Variants in CA10 observed in about 807,000 individuals in gnomAD.
CA10 encodes the protein carbonic anhydrase-related protein 10.
In CA10, 14 loss-of-function variants were observed where a neutral mutation model predicts 44.2. That is an observed-to-expected ratio of 0.32 (90% confidence interval 0.21 to 0.50). The LOEUF is 0.50. CA10 is among the 20% of genes least tolerant of loss of function. The pLI is 0.99. For synonymous variants in CA10, 159 were observed against 141.6 expected, an observed-to-expected ratio of 1.12 and a Z score of -0.87; for missense variants, 350 against 409.7, an observed-to-expected ratio of 0.85 and a Z score of 1.26.
chr17:51,858,027 T>C (rs1468955800), intron 3 of CA10, among the ~76,000 whole-genome samples: 2 of 152,146 alleles, frequency 1.3e-5, no homozygotes, highest in Non-Finnish European at 2.9e-5. Context: ...TTTCTTAATA[T>C]TTATAACTGT....
intron 2 of CA10, among the ~76,000 whole-genome samples, chr17:52,003,927 T>C (rs1985512683): frequency 8.6e-6 from 1 of 116,870 alleles, no homozygotes; most frequent in South Asian, 2.5e-4. Flanking sequence ...ATACTTATAG[T>C]AAAAACTAAA....
chr17:51,717,742 TATAC>T lies in CA10; in HGVS notation c.465+29887_465+29890del, dbSNP rs1224773690. On this transcript the variant is annotated intron_variant, in intron 4 of 8. Coordinates refer to ENST00000451037, the MANE Select transcript of CA10 (RefSeq NM_020178.5). ...ACGTATATATACATATATACGTATA[TATAC>T]ATGTATATATACGTATATATGTATA... is the stretch of plus-strand genomic sequence containing the variant. Among the ~76,000 whole-genome samples, 58 of 52,720 alleles carry T rather than the reference TATAC, an allele frequency of 1.1e-3. 7 individuals are homozygous for T. Among genetic ancestry groups the T allele is most frequent in the African/African-American group, 2.8e-3 (49 of 17,620 alleles). The allele number at this position is 52,720 out of a possible 152,430, so 34.6% of individuals were successfully genotyped here.
At chr17:52,142,209 C>T (rs892030246) in intron 1 of CA10, among the ~76,000 whole-genome samples, 4 of 152,190 alleles carry the variant, frequency 2.6e-5, no homozygotes, top group Non-Finnish European at 5.9e-5. Flanking sequence ...GTCTATGGCA[C>T]ATCATGGAAG....
intron 4 of CA10, among the ~76,000 whole-genome samples, chr17:51,691,782 C>T (rs9910020): frequency 0.082 from 12,484 of 152,166 alleles, 1,722 homozygotes; most frequent in African/African-American, 0.28. Flanking sequence ...CATTCTTTTA[C>T]ATGTGACTAT....
chr17:51,942,287 G>C (rs1027764517), intron 2 of CA10, among the ~76,000 whole-genome samples: 3 of 151,934 alleles, frequency 2.0e-5, no homozygotes. Context: ...ACTGAGTCTT[G>C]GAACCCAAAC....
At chr17:51,832,743 T>C (rs1365646031) in intron 3 of CA10, among the ~76,000 whole-genome samples, 1 of 152,156 alleles carries the variant, frequency 6.6e-6, no homozygotes, top group Non-Finnish European at 1.5e-5. Flanking sequence ...CAATTTCACA[T>C]ATATGTTTAG....
At chr17:51,947,163 T>C (rs1196877455) in intron 2 of CA10, among the ~76,000 whole-genome samples, 1 of 143,926 alleles carries the variant, frequency 6.9e-6, no homozygotes, top group African/African-American at 2.6e-5. Flanking sequence ...CCTTGCTCTT[T>C]AGAGGCCCTC....
At chr17:51,780,477 G>A (rs995625110) in intron 3 of CA10, among the ~76,000 whole-genome samples, 2 of 152,172 alleles carry the variant, frequency 1.3e-5, no homozygotes, top group African/African-American at 4.8e-5. Flanking sequence ...TTTGACCACA[G>A]TATGCTAAGA....
intron 2 of CA10, among the ~76,000 whole-genome samples, chr17:52,056,153 A>C (rs560355249): frequency 6.6e-6 from 1 of 151,992 alleles, no homozygotes; most frequent in Admixed American, 6.6e-5. Context: ...CTGCAAAGGA[A>C]CCCTCAAATC....
At chr17:51,897,822 T>C (rs892818277) in intron 3 of CA10, among the ~76,000 whole-genome samples, 14 of 152,250 alleles carry the variant, frequency 9.2e-5, no homozygotes, top group African/African-American at 3.4e-4. Context: ...TTCTTTTTTG[T>C]GGCTGTTGTG....
intron 3 of CA10, among the ~76,000 whole-genome samples, chr17:51,805,712 A>G (rs1907103859): frequency 6.6e-6 from 1 of 152,222 alleles, no homozygotes; most frequent in Non-Finnish European, 1.5e-5. Flanking sequence ...TCCATAGTTC[A>G]GTTTTAGAAC....
rs58123030 is a variant in CA10 at position 51,801,406 on chromosome 17, CAGT to C, written c.280-53591_280-53589del. On this transcript the variant is annotated intron_variant, in intron 3 of 8. Transcript: ENST00000451037. Reference sequence around the variant, plus strand: ...CAAGTATCATCTAGGAAAGATAAGACAGTAGCTTCATTGTTGGCAGGCTGTCAT... The same window carrying C: ...CAAGTATCATCTAGGAAAGATAAGACAGCTTCATTGTTGGCAGGCTGTCAT... Among the ~76,000 whole-genome samples the C allele has an allele frequency of 1.7e-4, 26 of 152,124 alleles. 1 individual carries two copies. In the East Asian group the frequency reaches 4.8e-3, roughly 28 times the overall value.
At chr17:51,863,844 A>G (rs554462200) in intron 3 of CA10, among the ~76,000 whole-genome samples, 3 of 152,334 alleles carry the variant, frequency 2.0e-5, no homozygotes, top group East Asian at 1.9e-4. Context: ...TAGCACATCA[A>G]TATATGACAA....
At chr17:51,776,385 A>C (rs1311479897) in intron 3 of CA10, among the ~76,000 whole-genome samples, 1 of 152,190 alleles carries the variant, frequency 6.6e-6, no homozygotes, top group Non-Finnish European at 1.5e-5. Context: ...AAGATAAATA[A>C]ATATAAAAAA....
intron 3 of CA10, among the ~76,000 whole-genome samples, chr17:51,905,526 CTTTTTT>C (rs34606778): frequency 8.0e-5 from 8 of 99,856 alleles, no homozygotes; most frequent in Non-Finnish European, 1.1e-4. Context: ...CCTATCAGTC[CTTTTTT>C]TTTTTTTTTT....
In CA10 at chr17:51,747,633, C is replaced by T. The variant is rs747405681; in HGVS notation, c.465G>A (p.Glu155=). The change falls in exon 4 of 9, where the codon GAG becomes GAA. Residue 155 remains glutamate, a splice_region_variant and synonymous_variant. Transcript: ENST00000451037. ...TTAGTACTTTGACAGACTAACATAC[C>T]TCCCCAGAGAAGGCCTGTCCATTGA... ...HLLNGQAFSG[E]VQLIHYNHEL... 5.6e-6 allele frequency: 9 copies of T among 1,607,202 alleles called. No individual in the cohort carries two copies. Among genetic ancestry groups the T allele is most frequent in the East Asian group, 2.2e-5 (1 of 44,862 alleles).
intron 2 of CA10, among the ~76,000 whole-genome samples, chr17:51,940,178 C>G (rs545831662): frequency 1.3e-5 from 2 of 152,196 alleles, no homozygotes; most frequent in African/African-American, 4.8e-5. Flanking sequence ...ACTGAACGCC[C>G]CTTTGATCAC....
intron 4 of CA10, among the ~76,000 whole-genome samples, chr17:51,693,252 G>A (rs957283168): frequency 2.0e-5 from 3 of 152,110 alleles, no homozygotes; most frequent in Non-Finnish European, 2.9e-5. Context: ...GGCTTCAACT[G>A]GTTTAAAGCA....
intron 4 of CA10, among the ~76,000 whole-genome samples, chr17:51,662,549 T>G (rs9907449): frequency 0.64 from 98,035 of 152,104 alleles, 31,845 homozygotes; most frequent in Middle Eastern, 0.68. Context: ...TTCAGCAGCT[T>G]TTGCTGGAAC....
Sources: gnomAD v4.1 joint callset for allele counts (sites outside exome capture counted in the v4.1 genomes callset) on GRCh38, gnomAD v4.1.1 for gene constraint, MANE v1.5 for transcripts, NCBI Gene and HGNC (gene_info 2026-07-23, HGNC 2026-07-21) for gene names.